UBN2: variants seen among roughly 807,000 people sequenced by gnomAD.
UBN2 encodes the protein ubinuclein 2, also known as ubinuclein-2.
A neutral mutation model predicts 120.2 loss-of-function variants in UBN2; 35 were observed. The ratio of observed to expected loss-of-function variants is 0.29; its 90% CI spans 0.22 to 0.39. UBN2 has a LOEUF of 0.39. Ranked by LOEUF, UBN2 falls within the 10% of genes least tolerant of loss-of-function variation. The pLI is 1.00. For synonymous variants in UBN2, 661 were observed against 648.7 expected (o/e 1.02, Z -0.29); for missense variants, 1,693 against 1,663.2 (o/e 1.02, Z -0.31).
Position 139,242,385 on chromosome 7 carries a change from G to A in UBN2, c.561+5288G>A, listed in dbSNP as rs1477223969. ...TTTGTTTTGGCCTTATGTGAGGTCTGGTCCCTAAGGATCATCTCGATGTAG... is the reference window on the plus strand; with the variant it reads ...TTTGTTTTGGCCTTATGTGAGGTCTAGTCCCTAAGGATCATCTCGATGTAG... On this transcript the variant is annotated intron_variant, in intron 2 of 17. Transcript: ENST00000473989. Among the ~76,000 whole-genome samples the A allele has an allele frequency of 2.6e-5, 4 of 152,148 alleles. 1 individual carries two copies. The highest frequency in any genetic ancestry group is 5.9e-5 in the Non-Finnish European group (4 of 68,038).
chr7:139,283,294 C>T lies in UBN2; in HGVS notation c.2389C>T (p.Pro797Ser), dbSNP rs994368955. The T allele has an allele frequency of 6.2e-7, 1 of 1,613,874 alleles. No individual in the cohort carries two copies. Among genetic ancestry groups the T allele is most frequent in the Non-Finnish European group, 8.5e-7 (1 of 1,180,006 alleles). Residue 797 changes from proline to serine, a missense_variant, in exon 15 of 18, where the codon CCT becomes TCT. By Grantham distance (74) the Pro-to-Ser change is moderately conservative. Transcript: ENST00000473989. Reference protein sequence around the residue: ...GSRISMPTTKPRPGLREEKLA... With the variant: ...GSRISMPTTKSRPGLREEKLA... ...AAGGATAAGCATGCCAACCACAAAG[C>T]CTCGTCCAGGACTGAGAGAAGAAAA...
chr7:139,320,950 T>C, the UBN2 span, among the ~76,000 whole-genome samples: 1 of 152,194 alleles, frequency 6.6e-6, no homozygotes, highest in Admixed American at 6.5e-5. Context: ...AATTCTATAT[T>C]AGCTATACCT....
chr7:139,232,346 G>C (rs542951639), intron 1 of UBN2, among the ~76,000 whole-genome samples: 2 of 152,228 alleles, frequency 1.3e-5, no homozygotes, highest in Non-Finnish European at 2.9e-5. Context: ...TAGAAAGGAA[G>C]AGAAAACCTT....
At chr7:139,262,540 GTC>G (rs1246210214) in intron 6 of UBN2, among the ~76,000 whole-genome samples, 7 of 152,120 alleles carry the variant, frequency 4.6e-5, no homozygotes, top group African/African-American at 1.7e-4. Flanking sequence ...GTGAAACCCT[GTC>G]TCTACTAAAA....
the UBN2 span, among the ~76,000 whole-genome samples, chr7:139,316,040 G>A: frequency 4.1e-5 from 5 of 122,210 alleles, no homozygotes; most frequent in South Asian, 1.4e-3. Context: ...TCGCGCTGTT[G>A]CACTCCAGCC....
chr7:139,249,172 A>G (rs1330563867), intron 2 of UBN2, among the ~76,000 whole-genome samples: 1 of 151,932 alleles, frequency 6.6e-6, no homozygotes, highest in Non-Finnish European at 1.5e-5. Context: ...CTTTTACCTA[A>G]CTTGTAAAAT....
intron 17 of UBN2, among the ~76,000 whole-genome samples, chr7:139,295,655 C>T (rs1446238146): frequency 1.3e-5 from 2 of 152,220 alleles, no homozygotes; most frequent in Non-Finnish European, 2.9e-5. Flanking sequence ...CATGGTAGCT[C>T]ATGCCTGTAA....
intron 15 of UBN2, among the ~76,000 whole-genome samples, chr7:139,286,262 C>A (rs1445257683): frequency 1.3e-5 from 2 of 152,114 alleles, no homozygotes; most frequent in African/African-American, 4.8e-5. Context: ...TGGGGTTTTA[C>A]CATGTTGACT....
At chr7:139,313,973 C>G in the UBN2 span, among the ~76,000 whole-genome samples, 1 of 151,616 alleles carries the variant, frequency 6.6e-6, no homozygotes, top group Non-Finnish European at 1.5e-5. Flanking sequence ...CTCAGCCTCC[C>G]AAGTAGCTGG....
the UBN2 span, among the ~76,000 whole-genome samples, chr7:139,327,104 G>C: frequency 6.6e-6 from 1 of 152,188 alleles, no homozygotes; most frequent in East Asian, 1.9e-4. Flanking sequence ...CGCGATCTCA[G>C]CTCACCGCAA....
chr7:139,293,396 G>C lies in UBN2; in HGVS notation c.3834G>C (p.Thr1278=). Residue 1278 remains threonine (T), a synonymous_variant, in exon 16 of 18, where the codon ACG becomes ACC. Coordinates refer to ENST00000473989, the MANE Select transcript of UBN2 (RefSeq NM_173569.4). ...CCTTGGAGATATTTGGCTTTGGAAC[G>C]GACACAGCTGGAGTGACAACCACCT... is the stretch of plus-strand genomic sequence containing the variant. ...QFPLEIFGFG[T]DTAGVTTTSG... is the part of the protein sequence containing the mutation. 7 of 1,614,052 alleles carry C rather than the reference G, an allele frequency of 4.3e-6. No homozygotes were observed. Among genetic ancestry groups the C allele is most frequent in the Non-Finnish European group, 5.9e-6 (7 of 1,180,000 alleles).
the UBN2 span, among the ~76,000 whole-genome samples, chr7:139,320,843 G>A: frequency 6.8e-6 from 1 of 147,358 alleles, no homozygotes; most frequent in South Asian, 2.1e-4. Flanking sequence ...GCGACAGAGT[G>A]AGACTCCGTC....
chr7:139,301,551 TC>T lies in UBN2; in HGVS notation c.*3716del, dbSNP rs1254764917. 1.4e-4 allele frequency: 22 copies of T among 152,346 alleles called. No homozygotes were observed. The highest frequency in any genetic ancestry group is 5.1e-4 in the African/African-American group (21 of 41,580). The allele number at this position is 152,346 out of a possible 1,614,324, so 9.4% of individuals were successfully genotyped here. On this transcript the variant is annotated 3_prime_UTR_variant, in exon 18 of 18. Transcript: ENST00000473989. ...GTATTGGTTGACTTTAATTTACAGTTCTTTATTTCTAGGATGTTTTGTCCTC... is the reference window on the plus strand; with the variant it reads ...GTATTGGTTGACTTTAATTTACAGTTTTTATTTCTAGGATGTTTTGTCCTC...
intron 12 of UBN2, 24 bp downstream of exon 12, chr7:139,276,171 T>C (rs1467662228): frequency 5.0e-6 from 8 of 1,608,672 alleles, no homozygotes; most frequent in Non-Finnish European, 6.8e-6. Flanking sequence ...GACTCCAGAT[T>C]GCTTCATTTA....
At chr7:139,236,157 T>C (rs1261757303) in intron 1 of UBN2, among the ~76,000 whole-genome samples, 1 of 152,196 alleles carries the variant, frequency 6.6e-6, no homozygotes, top group African/African-American at 2.4e-5. Context: ...GTGATCGCTA[T>C]TTTTGTTTGT....
chr7:139,330,186 G>A, the UBN2 span, among the ~76,000 whole-genome samples: 1 of 152,172 alleles, frequency 6.6e-6, no homozygotes, highest in East Asian at 1.9e-4. Flanking sequence ...TGCTTCAAAT[G>A]TACATCACCT....
intron 6 of UBN2, among the ~76,000 whole-genome samples, chr7:139,265,402 C>T (rs545455803): frequency 3.3e-5 from 5 of 152,148 alleles, no homozygotes; most frequent in Non-Finnish European, 4.4e-5. Context: ...CACCTAAACC[C>T]GGGAGGTGGA....
chr7:139,315,008 C>T, the UBN2 span, among the ~76,000 whole-genome samples: 41 of 151,590 alleles, frequency 2.7e-4, no homozygotes, highest in African/African-American at 9.9e-4. Flanking sequence ...TGGAATCTCG[C>T]TCTGTCGCCC....
chr7:139,321,706 G>A, the UBN2 span, among the ~76,000 whole-genome samples: 46 of 152,256 alleles, frequency 3.0e-4, no homozygotes, highest in East Asian at 2.7e-3. Context: ...CAGAACGCAC[G>A]AGAAAACACC....
Sources: allele counts gnomAD v4.1 joint callset (sites outside exome capture counted in the v4.1 genomes callset), GRCh38; gene constraint gnomAD v4.1.1; transcripts MANE v1.5; gene names NCBI Gene and HGNC (gene_info 2026-07-23, HGNC 2026-07-21).